TEK: variants seen among roughly 807,000 people sequenced by gnomAD.
TEK encodes angiopoietin-1 receptor.
A neutral mutation model predicts 131.8 loss-of-function variants in TEK; 43 were observed. The observed-to-expected ratio is 0.33, with a 90% confidence interval of 0.26 to 0.42. The LOEUF is 0.42. Among genes scored for constraint, TEK ranks in the 10% least tolerant of loss-of-function variants. The pLI is 1.00. For missense variants in TEK, 1,162 were observed against 1,384.4 expected (o/e 0.84, Z 2.55); for synonymous variants, 580 against 491.6 (o/e 1.18, Z -2.38).
At chr9:27,225,318 C>T (rs1287736419) in intron 21 of TEK, among the ~76,000 whole-genome samples, 1 of 152,152 alleles carries the variant, frequency 6.6e-6, no homozygotes, top group Non-Finnish European at 1.5e-5. Context: ...CTGGAGGCAT[C>T]AAGCTACCTG....
chr9:27,197,527 G>T lies in TEK; in HGVS notation c.1837G>T (p.Val613Phe). Residue 613 changes from valine (V) to phenylalanine (F), a missense_variant, in exon 12 of 23, where the codon GTC becomes TTC. Val to Phe is a conservative substitution (Grantham distance 50, BLOSUM62 -1). Around this residue, in one of 6 missense-constraint regions of TEK, gnomAD observed 477 missense variants for 471.0 expected, o/e 1.01. Transcript: ENST00000380036. ...NNLHPREQYV[V>F]RARVNTKAQG... The stretch of plus-strand genomic sequence containing the variant: ...CTTACATCCCAGGGAGCAGTACGTG[G>T]TCCGAGCTAGAGTCAACACCAAGGC... 2 of 1,614,042 alleles carry T rather than the reference G, an allele frequency of 1.2e-6. No homozygotes were observed. Among genetic ancestry groups the T allele is most frequent in the Non-Finnish European group, 1.7e-6 (2 of 1,180,004 alleles).
rs577472503 is a variant in TEK, at chr9:27,148,574, C to T, written c.53-9257C>T. Reference sequence around the variant, plus strand: ...AAGCCCAGTGGGAGAGCCCAGTGGGCAAGCACTTTTCAAGCCTCTGCTTAT... The same window carrying T: ...AAGCCCAGTGGGAGAGCCCAGTGGGTAAGCACTTTTCAAGCCTCTGCTTAT... On this transcript the variant is annotated intron_variant, in intron 1 of 22. Coordinates refer to ENST00000380036, the MANE Select transcript of TEK (RefSeq NM_000459.5). 1.4e-4 allele frequency among the ~76,000 whole-genome samples: 21 copies of T among 152,316 alleles called. No individual in the cohort carries two copies. In the East Asian group the frequency reaches 3.7e-3, roughly 27 times the overall value.
chr9:27,155,820 T>G (rs1225030672), intron 1 of TEK, among the ~76,000 whole-genome samples: 3 of 26,926 alleles, frequency 1.1e-4, no homozygotes, highest in Non-Finnish European at 2.4e-4. Flanking sequence ...AGCACTTTTG[T>G]TTTTTTTTTT....
chr9:27,110,275 C>A (rs1024299921), intron 1 of TEK, among the ~76,000 whole-genome samples: 11 of 150,540 alleles, frequency 7.3e-5, no homozygotes, highest in Non-Finnish European at 1.5e-4. Flanking sequence ...AAAGGGTTTA[C>A]TGGCCCAATG....
At chr9:27,185,992 A>G (rs1824585377) in intron 9 of TEK, among the ~76,000 whole-genome samples, 1 of 152,232 alleles carries the variant, frequency 6.6e-6, no homozygotes, top group South Asian at 2.1e-4. Context: ...TGTGTCAGGC[A>G]CAACATATCT....
At chr9:27,228,388 TGAA>T (rs763007595) in intron 22 of TEK, 83 bp downstream of exon 22, 110 of 1,101,534 alleles carry the variant, frequency 1.0e-4, no homozygotes, top group Non-Finnish European at 1.4e-4. Flanking sequence ...TTGAAATAAT[TGAA>T]GAAGTTCTTC....
chr9:27,214,549 T>TC (rs1825748929), intron 18 of TEK, among the ~76,000 whole-genome samples: 1 of 152,234 alleles, frequency 6.6e-6, no homozygotes, highest in African/African-American at 2.4e-5. Flanking sequence ...CTTCTTTTTT[T>TC]CCCATCATAC....
chr9:27,142,707 C>G (rs1057010887), intron 1 of TEK, among the ~76,000 whole-genome samples: 1 of 152,204 alleles, frequency 6.6e-6, no homozygotes, highest in African/African-American at 2.4e-5. Context: ...AGCTACTGTG[C>G]CCAACTTTGT....
chr9:27,228,324 C>A lies in TEK; in HGVS notation c.3300+19C>A. 6.3e-7 allele frequency: 1 copy of A among 1,586,300 alleles called. No individual in the cohort carries two copies. Among genetic ancestry groups the A allele is most frequent in the Non-Finnish European group, 8.7e-7 (1 of 1,155,644 alleles). ...GCGAAAGGTAAGTATTAAAGTCAGG[C>A]AGGAGATCTTTAATTGGAATACCTG... On this transcript the variant is annotated intron_variant, in intron 22 of 22. Coordinates refer to ENST00000380036, the MANE Select transcript of TEK (RefSeq NM_000459.5).
At chr9:27,165,973 A>G (rs1823715114) in intron 2 of TEK, among the ~76,000 whole-genome samples, 1 of 152,264 alleles carries the variant, frequency 6.6e-6, no homozygotes, top group Non-Finnish European at 1.5e-5. Flanking sequence ...TTTTGCCCTC[A>G]CAGGGTAGTT....
At chr9:27,225,654 T>C (rs1826292825) in intron 21 of TEK, among the ~76,000 whole-genome samples, 1 of 152,062 alleles carries the variant, frequency 6.6e-6, no homozygotes, top group Admixed American at 6.5e-5. Flanking sequence ...ACCTGGGCAA[T>C]ACCATTCAGG....
At chr9:27,184,712 G>T (rs970181552) in intron 8 of TEK, among the ~76,000 whole-genome samples, 2 of 152,062 alleles carry the variant, frequency 1.3e-5, no homozygotes, top group Non-Finnish European at 2.9e-5. Context: ...GGAACTGGCT[G>T]GGTGAAGTTA....
chr9:27,186,486 A>G (rs969274054), intron 9 of TEK, among the ~76,000 whole-genome samples: 3 of 152,216 alleles, frequency 2.0e-5, no homozygotes, highest in Non-Finnish European at 4.4e-5. Flanking sequence ...GAAGAAAAAA[A>G]GTCTGTACAT....
At chr9:27,139,550 C>T (rs1822642124) in intron 1 of TEK, among the ~76,000 whole-genome samples, 2 of 151,842 alleles carry the variant, frequency 1.3e-5, no homozygotes, top group Non-Finnish European at 1.5e-5. Context: ...TCTTGAACTC[C>T]TGACCTTAGG....
At chr9:27,136,468 C>A (rs1309056796) in intron 1 of TEK, among the ~76,000 whole-genome samples, 1 of 152,182 alleles carries the variant, frequency 6.6e-6, no homozygotes, top group Non-Finnish European at 1.5e-5. Context: ...CCTCTCTGTT[C>A]AAATTTTGTC....
intron 2 of TEK, 104 bp downstream of exon 2, chr9:27,158,246 T>TTCAG: frequency 7.7e-7 from 1 of 1,298,670 alleles, no homozygotes; most frequent in Non-Finnish European, 1.1e-6. Context: ...ACTACCTGAA[T>TTCAG]GTAGAGCTTG....
chr9:27,130,923 A>G (rs549613640), intron 1 of TEK, among the ~76,000 whole-genome samples: 1 of 152,354 alleles, frequency 6.6e-6, no homozygotes, highest in East Asian at 1.9e-4. Flanking sequence ...AGAAAAAAAT[A>G]AAAACATCAA....
At chr9:27,150,072 A>C (rs1823068627) in intron 1 of TEK, among the ~76,000 whole-genome samples, 1 of 152,094 alleles carries the variant, frequency 6.6e-6, no homozygotes, top group African/African-American at 2.4e-5. Flanking sequence ...ACCTCTCCTC[A>C]AAATCTTTTT....
At chr9:27,131,657 A>AAAAT (rs1822230005) in intron 1 of TEK, among the ~76,000 whole-genome samples, 1 of 151,654 alleles carries the variant, frequency 6.6e-6, no homozygotes, top group Admixed American at 6.6e-5. Context: ...AAAAAAAAAA[A>AAAAT]AAAATTAGCC....
Sources: gnomAD v4.1 joint callset for allele counts (sites outside exome capture counted in the v4.1 genomes callset) on GRCh38, gnomAD v4.1.1 for gene constraint, gnomAD v4.1.1 regional missense constraint, MANE v1.5 for transcripts, NCBI Gene and HGNC (gene_info 2026-07-23, HGNC 2026-07-21) for gene names.